The following ATP8A2 variants were observed in gnomAD, a reference collection of about 807,000 sequenced individuals.
ATP8A2 encodes the protein ATPase phospholipid transporting 8A2, also known as phospholipid-transporting ATPase IB.
Under a neutral mutation model 165.6 loss-of-function variants are expected in ATP8A2, and 100 were observed. That is an observed-to-expected ratio of 0.60 (90% CI 0.51 to 0.71). The LOEUF (loss-of-function observed/expected upper bound fraction) is 0.71. Ranked by LOEUF, ATP8A2 falls within the 30% of genes least tolerant of loss-of-function variation. The probability of loss-of-function intolerance (pLI) is 0.00; values close to 1 mark genes in which losing one functional copy is unlikely to be tolerated. For synonymous variants in ATP8A2, 543 were observed against 548.8 expected (o/e 0.99, Z 0.15); for missense variants, 1,227 against 1,479.5 (o/e 0.83, Z 2.80).
intron 33 of ATP8A2, among the ~76,000 whole-genome samples, chr13:25,873,529 AATGTCT>A (rs1952736101): frequency 6.6e-6 from 1 of 152,150 alleles, no homozygotes; most frequent in Non-Finnish European, 1.5e-5. Flanking sequence ...ATTATTATTT[AATGTCT>A]AAGATTGTGG....
intron 33 of ATP8A2, among the ~76,000 whole-genome samples, chr13:25,883,335 C>T (rs1244196313): frequency 2.0e-5 from 3 of 152,130 alleles, no homozygotes; most frequent in Non-Finnish European, 2.9e-5. Context: ...AGGAGAATTG[C>T]TTGAACCCAG....
At chr13:25,653,155 C>T (rs576770818) in intron 24 of ATP8A2, among the ~76,000 whole-genome samples, 191 of 152,270 alleles carry the variant, frequency 1.3e-3, no homozygotes, top group Non-Finnish European at 2.4e-3. Flanking sequence ...GGAAGGGATC[C>T]AGTTTCAATC....
At chr13:25,913,874 G>A (rs548297159) in intron 33 of ATP8A2, among the ~76,000 whole-genome samples, 20 of 152,288 alleles carry the variant, frequency 1.3e-4, no homozygotes, top group Non-Finnish European at 2.5e-4. Context: ...GACCATGGAA[G>A]TCAAAGTTCT....
chr13:25,604,070 GT>G (rs901877905), intron 24 of ATP8A2, among the ~76,000 whole-genome samples: 2 of 152,048 alleles, frequency 1.3e-5, no homozygotes, highest in African/African-American at 4.8e-5. Flanking sequence ...TTGTTTAAAA[GT>G]TTGAGAGAGG....
intron 33 of ATP8A2, among the ~76,000 whole-genome samples, chr13:25,951,390 A>G (rs1258921268): frequency 6.6e-6 from 1 of 152,266 alleles, no homozygotes; most frequent in East Asian, 1.9e-4. Flanking sequence ...CAGATTCAAC[A>G]GAACTGTACT....
chr13:25,783,608 G>A (rs2044943385), intron 27 of ATP8A2, among the ~76,000 whole-genome samples: 1 of 152,152 alleles, frequency 6.6e-6, no homozygotes, highest in Non-Finnish European at 1.5e-5. Flanking sequence ...AGGCGTGGTA[G>A]GGTAAGGGCC....
intron 34 of ATP8A2, 68 bp from the exon 35 acceptor site, chr13:25,968,507 C>G: frequency 1.5e-6 from 2 of 1,375,428 alleles, no homozygotes; most frequent in Non-Finnish European, 1.0e-6. Flanking sequence ...GAGAGGGGAG[C>G]GGCCTGTCTT....
chr13:25,794,896 A>G (rs1468128484), intron 27 of ATP8A2, among the ~76,000 whole-genome samples: 4 of 149,060 alleles, frequency 2.7e-5, no homozygotes, highest in Non-Finnish European at 6.0e-5. Context: ...ACCATCTCAT[A>G]TTTTCTTGTA....
At chr13:25,818,860 G>T (rs1164799622) in intron 27 of ATP8A2, among the ~76,000 whole-genome samples, 1 of 152,140 alleles carries the variant, frequency 6.6e-6, no homozygotes, top group Non-Finnish European at 1.5e-5. Flanking sequence ...AGCACATGGG[G>T]TAGCCAGATA....
intron 17 of ATP8A2, among the ~76,000 whole-genome samples, 198 bp from the exon 18 acceptor site, chr13:25,571,412 C>T (rs1345165637): frequency 6.6e-6 from 1 of 152,178 alleles, no homozygotes; most frequent in Non-Finnish European, 1.5e-5. Flanking sequence ...TCCAAGCCTC[C>T]CATCTAACAG....
chr13:25,958,298 A>AT (rs200785181), intron 33 of ATP8A2, among the ~76,000 whole-genome samples: 1 of 102,478 alleles, frequency 9.8e-6, no homozygotes, highest in Non-Finnish European at 2.4e-5. Flanking sequence ...TTAAGGTATA[A>AT]TTTAAAAAAA....
At chr13:25,829,500 G>A (rs1401399591) in intron 28 of ATP8A2, among the ~76,000 whole-genome samples, 3 of 151,342 alleles carry the variant, frequency 2.0e-5, no homozygotes, top group Non-Finnish European at 4.4e-5. Flanking sequence ...TTAAAGCTAT[G>A]CAACCATTTC....
At chr13:25,399,547 C>G (rs1428678564) in intron 1 of ATP8A2, among the ~76,000 whole-genome samples, 1 of 85,428 alleles carries the variant, frequency 1.2e-5, no homozygotes, top group South Asian at 5.0e-4. Flanking sequence ...TACAGGAGCC[C>G]GCCACCACGC....
chr13:25,933,104 TC>T (rs1954807397), intron 33 of ATP8A2, among the ~76,000 whole-genome samples: 1 of 152,208 alleles, frequency 6.6e-6, no homozygotes, highest in East Asian at 1.9e-4. Context: ...CACCTTGGCC[TC>T]CCAAAGTAAT....
At chr13:25,576,974 A>C (rs952878123) in intron 19 of ATP8A2, 95 bp from the exon 20 acceptor site, 4 of 950,602 alleles carry the variant, frequency 4.2e-6, no homozygotes, top group Non-Finnish European at 6.6e-6. Flanking sequence ...ATTTTTAGGA[A>C]CCCCAGACCC....
intron 35 of ATP8A2, among the ~76,000 whole-genome samples, chr13:25,978,259 AGGCGGG>A (rs1956101987): frequency 6.6e-6 from 1 of 152,212 alleles, no homozygotes. Context: ...TATACATTCC[AGGCGGG>A]GATTAGTTCT....
At chr13:25,673,673 C>G (rs2042312505) in intron 24 of ATP8A2, among the ~76,000 whole-genome samples, 1 of 152,126 alleles carries the variant, frequency 6.6e-6, no homozygotes, top group African/African-American at 2.4e-5. Context: ...TTCCATATAT[C>G]CCACCCAAAC....
chr13:25,390,577 A>G (rs772013640), intron 1 of ATP8A2, among the ~76,000 whole-genome samples: 1 of 152,156 alleles, frequency 6.6e-6, no homozygotes, highest in Non-Finnish European at 1.5e-5. Context: ...TGTCATACAA[A>G]TGGAATCAAA....
At chr13:25,630,660 C>A (rs967342428) in intron 24 of ATP8A2, among the ~76,000 whole-genome samples, 7 of 152,156 alleles carry the variant, frequency 4.6e-5, no homozygotes, top group Non-Finnish European at 7.4e-5. Context: ...TACAGGAAAT[C>A]TTGAGACAGC....
Sources: allele counts gnomAD v4.1 joint callset (sites outside exome capture counted in the v4.1 genomes callset), GRCh38; gene constraint gnomAD v4.1.1; transcripts MANE v1.5; gene names NCBI Gene and HGNC (gene_info 2026-07-23, HGNC 2026-07-21).